Variants in SLC36A4 observed in about 807,000 individuals in gnomAD.
SLC36A4 encodes the protein neutral amino acid uniporter 4.
A neutral mutation model predicts 50.5 loss-of-function variants in SLC36A4; 49 were observed. The ratio of observed to expected loss-of-function variants is 0.97; its 90% CI spans 0.77 to 1.23. The LOEUF (loss-of-function observed/expected upper bound fraction) is 1.23, where lower values mean the gene tolerates loss of function less well. Among genes scored for constraint, SLC36A4 ranks in the 50% most tolerant of loss-of-function variants. SLC36A4 has a pLI of 0.00. For missense variants in SLC36A4, 611 were observed against 608.4 expected, an observed-to-expected ratio of 1.00 and a Z score of -0.05; for synonymous variants, 207 against 206.5, an observed-to-expected ratio of 1.00 and a Z score of -0.02.
Position 93,146,105 on chromosome 11 carries a change from C to T in SLC36A4, c.*2432G>A, listed in dbSNP as rs1859839645. On this transcript the variant is annotated 3_prime_UTR_variant, in exon 11 of 11. Coordinates refer to ENST00000326402, the MANE Select transcript of SLC36A4 (RefSeq NM_152313.4). ...GGATGTTGATTCACCATTCTTATTG[C>T]TAAAGGAAGCCTGATTGATAATATA... is the stretch of plus-strand genomic sequence containing the variant. 1 of 151,920 alleles carries T rather than the reference C, an allele frequency of 6.6e-6. No homozygotes were observed. Among genetic ancestry groups the T allele is most frequent in the South Asian group, 2.1e-4 (1 of 4,824 alleles). 9.4% of individuals were successfully genotyped at this position (151,920 alleles called of 1,614,324 possible). A position where few individuals can be genotyped will look rare whatever the true frequency, so the allele number is the denominator to read the frequency against.
chr11:93,197,446 T>C, intron 1 of SLC36A4: 2 of 440,188 alleles, frequency 4.5e-6, no homozygotes, highest in Non-Finnish European at 4.1e-6. Context: ...AAAGCATCAT[T>C]GGGAAAAAAA....
At chr11:93,187,885 C>T (rs1376153552) in intron 1 of SLC36A4, among the ~76,000 whole-genome samples, 1 of 152,184 alleles carries the variant, frequency 6.6e-6, no homozygotes, top group Non-Finnish European at 1.5e-5. Context: ...AATGTTTTGT[C>T]AAGGCTTCCC....
At chr11:93,166,124 G>C in intron 7 of SLC36A4, 108 bp from the exon 8 acceptor site, 2 of 1,244,176 alleles carry the variant, frequency 1.6e-6, no homozygotes, top group Non-Finnish European at 2.1e-6. Context: ...CAGCAAATGT[G>C]TTATAAAATT....
In SLC36A4 at chr11:93,145,327, C is replaced by T. The variant is rs1054950496; in HGVS notation, c.*3210G>A. On this transcript the variant is annotated 3_prime_UTR_variant, in exon 11 of 11. Coordinates refer to ENST00000326402, the MANE Select transcript of SLC36A4 (RefSeq NM_152313.4). Reference sequence around the variant, plus strand: ...CAAGATGCAGAAATCATTTTAATAACGGAGAATTTAGTGAGAATACGACTA... The same window carrying T: ...CAAGATGCAGAAATCATTTTAATAATGGAGAATTTAGTGAGAATACGACTA... The T allele has an allele frequency of 2.6e-5, 4 of 151,988 alleles. No homozygotes were observed. Among genetic ancestry groups the T allele is most frequent in the African/African-American group, 7.2e-5 (3 of 41,402 alleles). The allele number at this position is 151,988 out of a possible 1,614,324, so 9.4% of individuals were successfully genotyped here. A position where few individuals can be genotyped will look rare whatever the true frequency, so the allele number is the denominator to read the frequency against.
intron 8 of SLC36A4, among the ~76,000 whole-genome samples, chr11:93,164,557 T>G (rs925333005): frequency 6.6e-6 from 1 of 152,140 alleles, no homozygotes; most frequent in African/African-American, 2.4e-5. Flanking sequence ...TATAAGTCAG[T>G]CAGTTCCATA....
intron 6 of SLC36A4, chr11:93,170,271 T>G (rs184326152): frequency 6.6e-6 from 1 of 152,198 alleles, no homozygotes; most frequent in Admixed American, 6.6e-5. Flanking sequence ...TGTTTCCATT[T>G]GAGCTCAAAT....
chr11:93,161,430 G>A (rs1202625795), intron 9 of SLC36A4, among the ~76,000 whole-genome samples: 1 of 152,104 alleles, frequency 6.6e-6, no homozygotes, highest in Non-Finnish European at 1.5e-5. Flanking sequence ...ATTTATGTTA[G>A]CTGAAGTTAA....
intron 1 of SLC36A4, among the ~76,000 whole-genome samples, chr11:93,191,430 G>T (rs1206922435): frequency 6.6e-6 from 1 of 152,174 alleles, no homozygotes; most frequent in East Asian, 1.9e-4. Context: ...AAGCTGGAAA[G>T]CTTGATAAGT....
At chr11:93,166,614 A>T (rs1258399600) in intron 7 of SLC36A4, 1 of 160,926 alleles carries the variant, frequency 6.2e-6, no homozygotes, top group African/African-American at 2.4e-5. Context: ...CCTGACTCAC[A>T]GGCTTATTCC....
intron 1 of SLC36A4, chr11:93,197,301 A>C: frequency 6.4e-6 from 1 of 156,810 alleles, no homozygotes; most frequent in Non-Finnish European, 1.4e-5. Flanking sequence ...TGAGCAAGCT[A>C]CAGGTATCTC....
intron 1 of SLC36A4, 123 bp downstream of exon 1, chr11:93,197,655 C>A: frequency 1.9e-6 from 2 of 1,055,426 alleles, no homozygotes; most frequent in Admixed American, 2.4e-5. Flanking sequence ...ACCACGGGGT[C>A]AGTTAGCAAT....
chr11:93,160,780 C>T (rs947474793), intron 9 of SLC36A4: 9 of 958,524 alleles, frequency 9.4e-6, no homozygotes, highest in Non-Finnish European at 9.9e-6. Flanking sequence ...TTACATTTGG[C>T]ATTAAAAATA....
intron 9 of SLC36A4, chr11:93,155,304 C>G (rs1488782606): frequency 6.6e-6 from 1 of 152,122 alleles, no homozygotes; most frequent in Non-Finnish European, 1.5e-5. Context: ...CACATATGTC[C>G]TCTTTCAGCA....
rs1861687341 is a variant in SLC36A4, at chr11:93,180,442, C to T, written c.540+355G>A. 1.3e-5 allele frequency: 6 copies of T among 466,888 alleles called. No individual in the cohort carries two copies. In the South Asian group the frequency reaches 4.6e-4, roughly 35 times the overall value. 28.9% of individuals were successfully genotyped at this position (466,888 alleles called of 1,614,324 possible). ...TATTTTTACTTGATTTTTTAGCCTACTGGCTAAAGCCTTATATAGTTCTTT... is the reference window on the plus strand; with the variant it reads ...TATTTTTACTTGATTTTTTAGCCTATTGGCTAAAGCCTTATATAGTTCTTT... On this transcript the variant is annotated intron_variant, in intron 6 of 10. Transcript: ENST00000326402.
At chr11:93,151,111 T>TA (rs1860068412) in intron 10 of SLC36A4, among the ~76,000 whole-genome samples, 1 of 151,992 alleles carries the variant, frequency 6.6e-6, no homozygotes. Flanking sequence ...TATTTGCTTG[T>TA]AAAAATGGTT....
intron 1 of SLC36A4, among the ~76,000 whole-genome samples, chr11:93,186,990 G>C (rs1039138668): frequency 6.6e-6 from 1 of 152,132 alleles, no homozygotes; most frequent in Admixed American, 6.5e-5. Flanking sequence ...GAGGACCACT[G>C]CTCTAACTGA....
intron 6 of SLC36A4, among the ~76,000 whole-genome samples, chr11:93,179,311 G>C (rs945363132): frequency 6.6e-6 from 1 of 152,170 alleles, no homozygotes; most frequent in African/African-American, 2.4e-5. Context: ...CTAGTTTACG[G>C]TGATGAACAC....
Position 93,147,636 on chromosome 11 carries a change from T to C in SLC36A4, c.*901A>G, listed in dbSNP as rs1859890350. 6.6e-6 allele frequency: 1 copy of C among 152,114 alleles called. No individual in the cohort carries two copies. The highest frequency in any genetic ancestry group is 2.4e-5 in the African/African-American group (1 of 41,432). 9.4% of individuals were successfully genotyped at this position (152,114 alleles called of 1,614,324 possible). ...CACATATACTATTAAAAATCACACATTCATTTTCAAAGTATTAAAATATAA... is the reference window on the plus strand; with the variant it reads ...CACATATACTATTAAAAATCACACACTCATTTTCAAAGTATTAAAATATAA... On this transcript the variant is annotated 3_prime_UTR_variant, in exon 11 of 11. Coordinates refer to ENST00000326402, the MANE Select transcript of SLC36A4 (RefSeq NM_152313.4).
At chr11:93,171,985 G>A (rs971497330) in intron 6 of SLC36A4, 6 of 151,960 alleles carry the variant, frequency 3.9e-5, no homozygotes, top group Non-Finnish European at 5.9e-5. Context: ...ACTTGCTCTC[G>A]CTAAGACCTT....
Sources: allele counts gnomAD v4.1 joint callset (sites outside exome capture counted in the v4.1 genomes callset), GRCh38; gene constraint gnomAD v4.1.1; transcripts MANE v1.5; gene names NCBI Gene and HGNC (gene_info 2026-07-23, HGNC 2026-07-21).